Variants in TANK observed in about 807,000 individuals in gnomAD.
TANK encodes the protein TRAF family member-associated NF-kappa-B activator.
In TANK, 15 loss-of-function variants were observed where a neutral mutation model predicts 43.6. That is an observed-to-expected ratio of 0.34 (90% CI 0.23 to 0.53). The LOEUF (loss-of-function observed/expected upper bound fraction) is 0.53. Among genes scored for constraint, TANK ranks in the 20% least tolerant of loss-of-function variants. The probability of loss-of-function intolerance (pLI) is 0.94; values close to 1 mark genes in which losing one functional copy is unlikely to be tolerated. For missense variants in TANK, 417 were observed against 498.6 expected (o/e 0.84, Z 1.56); for synonymous variants, 162 against 178.2 (o/e 0.91, Z 0.73).
At chr2:161,160,360 G>C (rs117049972), upstream of TANK, 2 of 1,120,852 alleles carry the variant, frequency 1.8e-6, no homozygotes, top group Non-Finnish European at 2.3e-6. Flanking sequence ...TGGAGGTGAA[G>C]AGTTAATGGC....
intron 1 of TANK, among the ~76,000 whole-genome samples, chr2:161,148,361 G>A (rs1184031885): frequency 1.3e-5 from 2 of 152,004 alleles, no homozygotes; most frequent in African/African-American, 2.4e-5. Flanking sequence ...AGTTACCCAC[G>A]TTTTAATTGG....
chr2:161,200,460 C>T, intron 2 of TANK: 1 of 958,830 alleles, frequency 1.0e-6, no homozygotes, highest in Non-Finnish European at 1.2e-6. Flanking sequence ...GCAAATAAAC[C>T]AAGTTCTACT....
At chr2:161,142,293 T>C (rs959023235) in intron 1 of TANK, among the ~76,000 whole-genome samples, 1 of 152,222 alleles carries the variant, frequency 6.6e-6, no homozygotes, top group Non-Finnish European at 1.5e-5. Flanking sequence ...ACTCTAATGA[T>C]AATTTCTTTT....
intron 1 of TANK, among the ~76,000 whole-genome samples, chr2:161,143,774 T>C (rs1683821229): frequency 6.6e-6 from 1 of 152,098 alleles, no homozygotes; most frequent in Admixed American, 6.6e-5. Context: ...GCCTGAAGTT[T>C]CTTTTTTTGT....
intron 1 of TANK, chr2:161,161,306 A>G: frequency 6.4e-7 from 1 of 1,550,660 alleles, no homozygotes. Flanking sequence ...GACAAGTTAT[A>G]ATAAGGGAGA....
intron 2 of TANK, among the ~76,000 whole-genome samples, chr2:161,186,232 C>G (rs1430512907): frequency 6.6e-6 from 1 of 152,222 alleles, no homozygotes; most frequent in Non-Finnish European, 1.5e-5. Context: ...CCTACTAAGG[C>G]AGAGCCTAAT....
intron 1 of TANK, chr2:161,162,973 A>G (rs1243093675): frequency 1.3e-5 from 2 of 152,150 alleles, no homozygotes; most frequent in Non-Finnish European, 1.5e-5. Context: ...TTACTTTAGT[A>G]TATTTGCAGT....
Position 161,235,608 on chromosome 2 carries a change from T to C in TANK, c.*90T>C, listed in dbSNP as rs2105186784. 9.4e-7 allele frequency: 1 copy of C among 1,062,858 alleles called. No homozygotes were observed. Among genetic ancestry groups the C allele is most frequent in the East Asian group, 2.8e-5 (1 of 35,148 alleles). The allele number at this position is 1,062,858 out of a possible 1,614,324, so 65.8% of individuals were successfully genotyped here. A position where few individuals can be genotyped will look rare whatever the true frequency, so the allele number is the denominator to read the frequency against. ...ACTTGATTGTAAACTAAATTCAAGA[T>C]CATTTATAGGAAAATCTAGTTTCAC... On this transcript the variant is annotated 3_prime_UTR_variant, in exon 8 of 8. Transcript: ENST00000392749.
chr2:161,174,454 C>T (rs1275742863), intron 1 of TANK, among the ~76,000 whole-genome samples: 1 of 152,048 alleles, frequency 6.6e-6, no homozygotes, highest in Non-Finnish European at 1.5e-5. Context: ...ATGAAATGCC[C>T]TAGCAACTGG....
At chr2:161,180,003 A>G in intron 2 of TANK, 2 of 1,177,542 alleles carry the variant, frequency 1.7e-6, no homozygotes, top group Non-Finnish European at 2.1e-6. Flanking sequence ...AAAGATTGTG[A>G]ATGTTGTCTT....
intron 4 of TANK, among the ~76,000 whole-genome samples, chr2:161,208,846 A>G (rs528888615): frequency 1.3e-5 from 2 of 152,298 alleles, no homozygotes; most frequent in South Asian, 4.1e-4. Context: ...CTTCACTTCC[A>G]CTTAATTTTG....
At chr2:161,170,422 C>T (rs1456361514) in intron 1 of TANK, among the ~76,000 whole-genome samples, 1 of 152,170 alleles carries the variant, frequency 6.6e-6, no homozygotes, top group African/African-American at 2.4e-5. Flanking sequence ...TCTACCTTAG[C>T]AACTGCTATT....
At chr2:161,201,470 C>T (rs10183710) in intron 2 of TANK, 8,242 of 179,790 alleles carry the variant, frequency 0.046, 694 homozygotes, top group African/African-American at 0.18. Flanking sequence ...GGCATTTATT[C>T]TGCGCCTGTC....
intron 1 of TANK, among the ~76,000 whole-genome samples, chr2:161,168,546 T>G (rs1317147233): frequency 2.6e-5 from 4 of 151,862 alleles, no homozygotes; most frequent in Non-Finnish European, 1.5e-5. Flanking sequence ...AAAAAATCGG[T>G]TTAAGGCCAG....
chr2:161,229,406 C>A (rs1177156563), intron 6 of TANK, among the ~76,000 whole-genome samples: 1 of 152,062 alleles, frequency 6.6e-6, no homozygotes, highest in African/African-American at 2.4e-5. Flanking sequence ...TTTAGAAAAA[C>A]TACTCTGAGA....
chr2:161,163,104 T>C (rs1273266246), intron 1 of TANK: 1 of 152,168 alleles, frequency 6.6e-6, no homozygotes, highest in East Asian at 1.9e-4. Context: ...TTTTCTGTTA[T>C]TTTTGCTAGG....
chr2:161,223,637 G>T, intron 4 of TANK: 1 of 229,596 alleles, frequency 4.4e-6, no homozygotes, highest in East Asian at 9.0e-5. Context: ...AGTTGAATTT[G>T]AGAAATTTCT....
chr2:161,185,700 TG>T (rs1165735723), intron 2 of TANK, among the ~76,000 whole-genome samples: 1 of 107,486 alleles, frequency 9.3e-6, no homozygotes, highest in Non-Finnish European at 1.8e-5. Flanking sequence ...TATCACACTC[TG>T]GGGACTGTGG....
rs767123354 is a variant in TANK at position 161,224,720 on chromosome 2, A to T, written c.494A>T (p.Lys165Ile). ...AAAGCACAGAAAGACCACTTAAGCAAACTTAATATACCAGACACTGCAACT... is the reference window on the plus strand; with the variant it reads ...AAAGCACAGAAAGACCACTTAAGCATACTTAATATACCAGACACTGCAACT... ...LAKAQKDHLS[K>I]LNIPDTATET... The change falls in exon 6 of 8, where the codon AAA (lysine) becomes ATA (isoleucine). Residue 165 changes from lysine to isoleucine, a missense_variant. Physicochemically the swap from Lys to Ile is moderately radical, Grantham distance 102 (BLOSUM62 -3). Transcript: ENST00000392749. 1 of 1,574,962 alleles carries T rather than the reference A, an allele frequency of 6.3e-7. No individual in the cohort carries two copies. Among genetic ancestry groups the T allele is most frequent in the East Asian group, 2.3e-5 (1 of 43,528 alleles).
Sources: allele counts gnomAD v4.1 joint callset (sites outside exome capture counted in the v4.1 genomes callset), GRCh38; gene constraint gnomAD v4.1.1; transcripts MANE v1.5; gene names NCBI Gene and HGNC (gene_info 2026-07-23, HGNC 2026-07-21).